CHM: variants seen among roughly 807,000 people sequenced by gnomAD.
CHM encodes CHM Rab escort protein.
CHM carries 10 observed loss-of-function variants against 49.0 expected under a neutral mutation model. The observed-to-expected ratio is 0.20, with a 90% CI of 0.13 to 0.35. The LOEUF is 0.35. CHM is among the 10% of genes least tolerant of loss of function. CHM has a pLI of 1.00. For synonymous variants in CHM, 184 were observed against 167.5 expected (o/e 1.10, Z -0.76); for missense variants, 455 against 478.4 (o/e 0.95, Z 0.46).
intron 8 of CHM, among the ~76,000 whole-genome samples, chrX:85,949,139 C>A (rs58560352): frequency 0.033 from 3,668 of 111,567 alleles, 161 homozygotes; most frequent in African/African-American, 0.11. Flanking sequence ...GTAAGGCTGA[C>A]AAATCTCAGC....
At chrX:85,993,065 A>T (rs1485179627) in intron 2 of CHM, among the ~76,000 whole-genome samples, 1 of 111,721 alleles carries the variant, frequency 9.0e-6, no homozygotes, top group Non-Finnish European at 1.9e-5. Flanking sequence ...TTCTCTGTTG[A>T]TGACTCACTA....
rs1929529380 is a variant in CHM, at chrX:85,948,291, TGC to T, written c.1166+7860_1166+7861del. Among the ~76,000 whole-genome samples the T allele has an allele frequency of 8.9e-5, 10 of 112,155 alleles. 1 individual carries two copies. Among genetic ancestry groups the T allele is most frequent in the Admixed American group, 8.5e-4 (9 of 10,567 alleles). Reference sequence around the variant, plus strand: ...TGTGAGCGTTTTAAAGTCTATAAACTGCATATATATCCTGTGCAATGTGCCAG... The same window carrying T: ...TGTGAGCGTTTTAAAGTCTATAAACTATATATATCCTGTGCAATGTGCCAG... On this transcript the variant is annotated intron_variant, in intron 8 of 14. Transcript: ENST00000357749.
intron 12 of CHM, 38 bp downstream of exon 12, chrX:85,894,150 C>G: frequency 1.9e-6 from 2 of 1,076,030 alleles, no homozygotes; most frequent in Non-Finnish European, 2.6e-6. Flanking sequence ...ACCCCCTAAA[C>G]AAACACAAAA....
chrX:85,861,650 G>T lies in CHM; in HGVS notation c.*2980C>A, dbSNP rs1223291073. Reference sequence around the variant, plus strand: ...AAATTGACCTTTTATATATACACAGGTATGTATACACATACAGTATATGTT... The same window carrying T: ...AAATTGACCTTTTATATATACACAGTTATGTATACACATACAGTATATGTT... On this transcript the variant is annotated 3_prime_UTR_variant, in exon 15 of 15. Transcript: ENST00000357749. The T allele has an allele frequency of 9.0e-6, 1 of 111,221 alleles. No individual in the cohort carries two copies. The highest frequency in any genetic ancestry group is 2.8e-4 in the East Asian group (1 of 3,577). 9.2% of individuals were successfully genotyped at this position (111,221 alleles called of 1,213,427 possible).
chrX:86,005,185 G>A (rs12400043), intron 2 of CHM, among the ~76,000 whole-genome samples: 30,769 of 110,812 alleles, frequency 0.28, 3,536 homozygotes, highest in Admixed American at 0.39. Context: ...ACAAAATGAA[G>A]GCAGAAACAA....
intron 4 of CHM, chrX:85,970,444 T>A (rs924785914): frequency 5.3e-6 from 4 of 753,206 alleles, no homozygotes; most frequent in Non-Finnish European, 6.3e-6. Context: ...GGTGGAACGG[T>A]TGGTTCCCTT....
At chrX:85,885,128 GAAGTA>G (rs1228671703) in intron 12 of CHM, among the ~76,000 whole-genome samples, 5 of 110,392 alleles carry the variant, frequency 4.5e-5, no homozygotes, top group Non-Finnish European at 9.5e-5. Flanking sequence ...ATACTGAAGA[GAAGTA>G]AAGATAAAAT....
At chrX:85,866,782 A>G (rs1484761636) in intron 14 of CHM, among the ~76,000 whole-genome samples, 5 of 113,261 alleles carry the variant, frequency 4.4e-5, no homozygotes, top group African/African-American at 1.6e-4. Flanking sequence ...TGGAGCTTTA[A>G]GATTTAATGA....
In CHM at chrX:85,963,726, C is replaced by A. The variant is rs1930416412; in HGVS notation, c.641G>T (p.Arg214Ile). 1 of 1,203,512 alleles carries A rather than the reference C, an allele frequency of 8.3e-7. No homozygotes were observed. The highest frequency in any genetic ancestry group is 2.2e-5 in the Admixed American group (1 of 45,712). ...EDTTEQPKKNRITYSQIIKEG... is the reference protein window; with the variant it reads ...EDTTEQPKKNIITYSQIIKEG... ...TTTAATAATTTGTGAGTAAGTAATT[C>A]TGTTTTTCTTTGGTTGCTCTGTGGT... Residue 214 changes from arginine (R) to isoleucine (I), a missense_variant, in exon 5 of 15, where the codon AGA becomes ATA. Arg to Ile is a moderately conservative substitution (Grantham distance 97). Coordinates refer to ENST00000357749, the MANE Select transcript of CHM (RefSeq NM_000390.4).
At chrX:86,009,172 A>G (rs1932952592) in intron 2 of CHM, among the ~76,000 whole-genome samples, 1 of 112,077 alleles carries the variant, frequency 8.9e-6, no homozygotes, top group Non-Finnish European at 1.9e-5. Context: ...TGATGCCAGG[A>G]TATGTGCTAA....
At chrX:85,952,395 AC>A (rs1459219706) in intron 8 of CHM, among the ~76,000 whole-genome samples, 3 of 111,009 alleles carry the variant, frequency 2.7e-5, no homozygotes, top group Non-Finnish European at 5.7e-5. Context: ...AAGATAGGAC[AC>A]CAGGCAGAGT....
intron 2 of CHM, among the ~76,000 whole-genome samples, chrX:86,006,515 C>T (rs1342286984): frequency 7.2e-5 from 8 of 111,866 alleles, no homozygotes; most frequent in African/African-American, 2.6e-4. Context: ...TAGAAAACCC[C>T]ATCTTCTCAG....
At chrX:85,895,567 T>C (rs1340711535) in intron 11 of CHM, among the ~76,000 whole-genome samples, 1 of 112,355 alleles carries the variant, frequency 8.9e-6, no homozygotes, top group Non-Finnish European at 1.9e-5. Context: ...CCATTTGCAC[T>C]TTGCCCTATA....
At chrX:85,923,312 G>A (rs980139912) in intron 8 of CHM, among the ~76,000 whole-genome samples, 14 of 112,216 alleles carry the variant, frequency 1.2e-4, no homozygotes, top group African/African-American at 2.6e-4. Flanking sequence ...ATACATCAAC[G>A]CTTTTGTTAG....
intron 1 of CHM, among the ~76,000 whole-genome samples, chrX:86,036,479 G>C (rs1245037465): frequency 6.4e-4 from 71 of 111,289 alleles, no homozygotes; most frequent in Non-Finnish European, 4.0e-4. Context: ...AGACCTCAGA[G>C]ACAGAGCAGG....
chrX:85,875,451 A>C (rs1282089260), intron 13 of CHM, among the ~76,000 whole-genome samples: 1 of 111,676 alleles, frequency 9.0e-6, no homozygotes, highest in African/African-American at 3.2e-5. Flanking sequence ...TGGGCAAATT[A>C]AACTGGAGTA....
intron 8 of CHM, among the ~76,000 whole-genome samples, chrX:85,916,357 G>A (rs943882342): frequency 1.2e-4 from 13 of 111,909 alleles, no homozygotes; most frequent in Non-Finnish European, 2.4e-4. Context: ...AACCCTGGAA[G>A]ACAATCTAGG....
At chrX:85,914,007 C>A (rs915181049) in intron 8 of CHM, among the ~76,000 whole-genome samples, 1 of 111,572 alleles carries the variant, frequency 9.0e-6, no homozygotes, top group Non-Finnish European at 1.9e-5. Flanking sequence ...AAACTTGTTC[C>A]TGGCCACTAG....
intron 2 of CHM, among the ~76,000 whole-genome samples, chrX:86,022,145 C>A (rs1378103456): frequency 9.0e-6 from 1 of 111,654 alleles, no homozygotes; most frequent in Non-Finnish European, 1.9e-5. Context: ...CTGCTGAATT[C>A]TATGCTTAAA....
Sources: allele counts gnomAD v4.1 joint callset (sites outside exome capture counted in the v4.1 genomes callset), GRCh38; gene constraint gnomAD v4.1.1; transcripts MANE v1.5; gene names NCBI Gene and HGNC (gene_info 2026-07-23, HGNC 2026-07-21).